Variants in ZFHX3 observed in about 807,000 individuals in gnomAD.
ZFHX3 encodes the protein zinc finger homeobox 3.
A neutral mutation model predicts 279.1 loss-of-function variants in ZFHX3; 42 were observed. The observed-to-expected ratio is 0.15, with a 90% CI of 0.12 to 0.19. The LOEUF is 0.19. ZFHX3 is among the 10% of genes least tolerant of loss of function. The pLI is 1.00. For synonymous variants in ZFHX3, 2,293 were observed against 1,957.8 expected (o/e 1.17, Z -4.52); for missense variants, 4,981 against 4,754.0 (o/e 1.05, Z -1.40).
chr16:73,004,799 C>A (rs1963646748), intron 1 of ZFHX3, among the ~76,000 whole-genome samples: 1 of 152,194 alleles, frequency 6.6e-6, no homozygotes, highest in Non-Finnish European at 1.5e-5. Flanking sequence ...CCCCACAAGG[C>A]TTAGGCCTAA....
At position 73,766,125 on chromosome 16, in the gene ZFHX3, C is replaced by T. The variant is rs148573776; in HGVS notation, c.-1607-85885G>A. Among the ~76,000 whole-genome samples, 130 of 152,248 alleles carry T rather than the reference C, an allele frequency of 8.5e-4. No homozygotes were observed. In the Middle Eastern group the frequency reaches 0.024, roughly 28 times the overall value. On this transcript the variant is annotated intron_variant, in intron 1 of 17. Transcript: ENST00000641206. ...CCCACCCCTTGCCCCCAGTAAAATC[C>T]GTTACGGAAAAAGCATTCTGTTCCA...
At chr16:73,337,174 G>A (rs1038408638) in intron 3 of ZFHX3, among the ~76,000 whole-genome samples, 1 of 152,130 alleles carries the variant, frequency 6.6e-6, no homozygotes, top group African/African-American at 2.4e-5. Flanking sequence ...GTTCCCAGAT[G>A]CTTATCCTTC....
At chr16:73,361,740 T>C (rs919496985) in intron 3 of ZFHX3, among the ~76,000 whole-genome samples, 1 of 152,138 alleles carries the variant, frequency 6.6e-6, no homozygotes, top group Non-Finnish European at 1.5e-5. Flanking sequence ...TACACAAATA[T>C]GTACTCATAG....
chr16:72,797,023 T>C lies in ZFHX3; in HGVS notation c.5659A>G (p.Lys1887Glu). The change falls in exon 9 of 10, where the codon AAA becomes GAA. Residue 1887 changes from lysine to glutamate, a missense_variant. Physicochemically the swap from Lys to Glu is moderately conservative, Grantham distance 56 (BLOSUM62 1). Around this residue, in one of 7 missense-constraint regions of ZFHX3, gnomAD observed 1,751 missense variants for 1,770.0 expected, o/e 0.99. Coordinates refer to ENST00000268489, the MANE Select transcript of ZFHX3 (RefSeq NM_006885.4). ...KNKLVIKEKE[K>E]ESQRERDSAE... ...CTGTCCCTCTCTCTCTGGCTTTCTT[T>C]TTCCTTTTCTTTGATGACCAATTTG... 6.2e-7 allele frequency: 1 copy of C among 1,614,118 alleles called. No homozygotes were observed.
At position 73,640,194 on chromosome 16, in the gene ZFHX3, T is replaced by C. The variant is rs576970016; in HGVS notation, c.-1547+39986A>G. Among the ~76,000 whole-genome samples, 41 of 152,258 alleles carry C rather than the reference T, an allele frequency of 2.7e-4. No homozygotes were observed. The South Asian group carries it at 6.4e-3, about 24-fold the overall frequency. On this transcript the variant is annotated intron_variant, in intron 2 of 17. Transcript: ENST00000641206. ...TGAAAGTTTGCAAGCTGGACATTGA[T>C]GCTCCCCAGGCAAGAAATTACAGGA... is the stretch of plus-strand genomic sequence containing the variant.
At chr16:73,603,180 G>A (rs1315021701) in intron 2 of ZFHX3, among the ~76,000 whole-genome samples, 1 of 151,584 alleles carries the variant, frequency 6.6e-6, no homozygotes, top group Non-Finnish European at 1.5e-5. Flanking sequence ...AGCTACTCAG[G>A]AGGCTGAGGC....
At chr16:72,916,181 C>T (rs948323455) in intron 3 of ZFHX3, among the ~76,000 whole-genome samples, 7 of 152,214 alleles carry the variant, frequency 4.6e-5, no homozygotes, top group African/African-American at 1.4e-4. Flanking sequence ...CTTCCCCCCC[C>T]TCCTCCGCCT....
intron 3 of ZFHX3, among the ~76,000 whole-genome samples, chr16:73,332,364 G>C (rs1488839908): frequency 6.6e-6 from 1 of 152,188 alleles, no homozygotes; most frequent in African/African-American, 2.4e-5. Flanking sequence ...TTACATGACA[G>C]TGTAGGGGCC....
At chr16:73,767,368 T>C (rs1415463584) in intron 1 of ZFHX3, among the ~76,000 whole-genome samples, 4 of 152,196 alleles carry the variant, frequency 2.6e-5, no homozygotes, top group Non-Finnish European at 1.5e-5. Context: ...CTTTATAAGG[T>C]AAAATTATTT....
At chr16:73,352,529 A>T (rs1042506143) in intron 3 of ZFHX3, among the ~76,000 whole-genome samples, 19 of 111,344 alleles carry the variant, frequency 1.7e-4, no homozygotes, top group Middle Eastern at 9.8e-3. Context: ...CCCAGGCTGG[A>T]GGGCACCAGG....
At chr16:72,964,774 C>T (rs758167902) in intron 1 of ZFHX3, among the ~76,000 whole-genome samples, 8 of 152,040 alleles carry the variant, frequency 5.3e-5, no homozygotes, top group Non-Finnish European at 5.9e-5. Context: ...CACTTTGATC[C>T]TCATACCCAC....
chr16:73,816,411 C>A (rs966349161), intron 1 of ZFHX3, among the ~76,000 whole-genome samples: 1 of 152,076 alleles, frequency 6.6e-6, no homozygotes, highest in Non-Finnish European at 1.5e-5. Flanking sequence ...CCAGCCAAGT[C>A]CAGACTACCC....
chr16:73,695,118 AC>A (rs1410049673), intron 1 of ZFHX3, among the ~76,000 whole-genome samples: 1 of 151,888 alleles, frequency 6.6e-6, no homozygotes, highest in African/African-American at 2.4e-5. Context: ...CTCCTCCTAT[AC>A]CCCGATGGGG....
chr16:73,170,223 GTTTTTTTTTTT>G (rs1156523996), intron 5 of ZFHX3, among the ~76,000 whole-genome samples: 4 of 57,718 alleles, frequency 6.9e-5, no homozygotes, highest in Non-Finnish European at 1.2e-4. Context: ...CCTTTCACTA[GTTTTTTTTTTT>G]TTTTTTTTTT....
intron 8 of ZFHX3, among the ~76,000 whole-genome samples, chr16:73,071,414 G>A (rs1047496749): frequency 1.3e-5 from 2 of 151,860 alleles, no homozygotes; most frequent in African/African-American, 2.4e-5. Context: ...TGAGCGGAGG[G>A]AGGGAGGGAG....
chr16:73,537,021 C>T (rs368013886), intron 2 of ZFHX3, among the ~76,000 whole-genome samples: 1 of 152,154 alleles, frequency 6.6e-6, no homozygotes, highest in African/African-American at 2.4e-5. Flanking sequence ...TAGGGTTTAT[C>T]TGAGCTGAGC....
At chr16:72,989,786 G>A (rs1411449357) in intron 1 of ZFHX3, among the ~76,000 whole-genome samples, 1 of 152,218 alleles carries the variant, frequency 6.6e-6, no homozygotes, top group East Asian at 1.9e-4. Flanking sequence ...GCTCCACCCT[G>A]CATGAATTTC....
intron 2 of ZFHX3, chr16:73,499,464 T>C (rs1324138875): frequency 6.6e-6 from 1 of 152,206 alleles, no homozygotes; most frequent in Non-Finnish European, 1.5e-5. Context: ...GACATCTGTG[T>C]TTTCCATATT....
intron 7 of ZFHX3, among the ~76,000 whole-genome samples, chr16:73,105,976 A>G (rs1005387267): frequency 8.8e-6 from 1 of 113,496 alleles, no homozygotes; most frequent in African/African-American, 3.5e-5. Context: ...AGGCTCATGC[A>G]ATACCTGCCG....
Sources: allele counts gnomAD v4.1 joint callset (sites outside exome capture counted in the v4.1 genomes callset), GRCh38; gene constraint gnomAD v4.1.1; regional missense constraint gnomAD v4.1.1; transcripts MANE v1.5; gene names NCBI Gene and HGNC (gene_info 2026-07-23, HGNC 2026-07-21).